SORCS2: variants seen among roughly 807,000 people sequenced by gnomAD.
SORCS2 encodes the protein VPS10 domain-containing receptor SorCS2.
Under a neutral mutation model 141.6 loss-of-function variants are expected in SORCS2, and 100 were observed. The ratio of observed to expected loss-of-function variants is 0.71; its 90% confidence interval spans 0.60 to 0.83. The LOEUF (loss-of-function observed/expected upper bound fraction) is 0.83. Ranked by LOEUF, SORCS2 falls within the 40% of genes least tolerant of loss-of-function variation. The pLI is 0.00. For missense variants in SORCS2, 1,646 were observed against 1,560.2 expected (o/e 1.05, Z -0.93); for synonymous variants, 789 against 676.9 (o/e 1.17, Z -2.57).
At chr4:7,290,388 TG>T (rs1716524768) in intron 1 of SORCS2, among the ~76,000 whole-genome samples, 1 of 152,172 alleles carries the variant, frequency 6.6e-6, no homozygotes, top group Admixed American at 6.5e-5. Flanking sequence ...TCCCACGGGG[TG>T]CTCAGGGCTT....
At chr4:7,724,612 C>G (rs372901911) in intron 19 of SORCS2, among the ~76,000 whole-genome samples, 3,092 of 42,806 alleles carry the variant, frequency 0.072, 96 homozygotes, top group Admixed American at 0.13. Flanking sequence ...GGTGATAGTG[C>G]TGGTGAGGAT....
At chr4:7,585,910 C>G (rs991079980) in intron 3 of SORCS2, among the ~76,000 whole-genome samples, 2 of 152,206 alleles carry the variant, frequency 1.3e-5, no homozygotes, top group African/African-American at 2.4e-5. Context: ...GCTCTATTTG[C>G]TTAATACTTA....
intron 9 of SORCS2, among the ~76,000 whole-genome samples, chr4:7,677,360 C>G (rs182386398): frequency 6.6e-6 from 1 of 152,250 alleles, no homozygotes; most frequent in African/African-American, 2.4e-5. Flanking sequence ...ATGCCATGGC[C>G]AGCGAGGGGG....
chr4:7,287,036 T>G (rs1379099442), intron 1 of SORCS2, among the ~76,000 whole-genome samples: 3 of 152,178 alleles, frequency 2.0e-5, no homozygotes, highest in African/African-American at 7.2e-5. Flanking sequence ...CCTTTCTCTC[T>G]TCTGGGTTTC....
intron 2 of SORCS2, among the ~76,000 whole-genome samples, chr4:7,449,441 A>G (rs1409631242): frequency 7.5e-6 from 1 of 132,566 alleles, no homozygotes; most frequent in Non-Finnish European, 1.6e-5. Context: ...ACCAGGAAAC[A>G]AACCCTTGCT....
At chr4:7,338,646 G>A (rs1720173406) in intron 1 of SORCS2, among the ~76,000 whole-genome samples, 1 of 152,114 alleles carries the variant, frequency 6.6e-6, no homozygotes, top group Admixed American at 6.5e-5. Context: ...CTCCAGCTTT[G>A]CCCACACCCC....
chr4:7,416,879 C>T (rs1046981940), intron 2 of SORCS2, among the ~76,000 whole-genome samples: 1 of 152,176 alleles, frequency 6.6e-6, no homozygotes, highest in Admixed American at 6.5e-5. Context: ...TGCTCAGACA[C>T]ACACATATGC....
chr4:7,398,797 C>T (rs913102402), intron 2 of SORCS2, among the ~76,000 whole-genome samples: 2 of 152,156 alleles, frequency 1.3e-5, no homozygotes, highest in Non-Finnish European at 2.9e-5. Flanking sequence ...TTAGCTGTCC[C>T]CTTATTGATG....
intron 22 of SORCS2, among the ~76,000 whole-genome samples, chr4:7,728,895 C>T (rs35854850): frequency 0.33 from 50,772 of 152,104 alleles, 9,887 homozygotes; most frequent in Admixed American, 0.47. Flanking sequence ...GACATCAGGG[C>T]GGGCTGTAGC....
intron 1 of SORCS2, among the ~76,000 whole-genome samples, chr4:7,261,010 C>A (rs150537172): frequency 6.6e-6 from 1 of 152,154 alleles, no homozygotes; most frequent in East Asian, 1.9e-4. Context: ...TTAGAGCACT[C>A]GTCAACATCT....
intron 3 of SORCS2, among the ~76,000 whole-genome samples, chr4:7,580,789 T>C (rs756985873): frequency 7.2e-5 from 11 of 152,104 alleles, no homozygotes; most frequent in Non-Finnish European, 1.3e-4. Flanking sequence ...GAGAATTTCT[T>C]CCATCGTGTA....
chr4:7,291,378 C>T (rs1219174636), intron 1 of SORCS2, among the ~76,000 whole-genome samples: 1 of 152,126 alleles, frequency 6.6e-6, no homozygotes, highest in East Asian at 1.9e-4. Flanking sequence ...CCATGGGAGG[C>T]CTCTGCCACC....
chr4:7,451,295 G>A (rs1005648375), intron 2 of SORCS2, among the ~76,000 whole-genome samples: 5 of 152,236 alleles, frequency 3.3e-5, no homozygotes, highest in Admixed American at 6.5e-5. Context: ...CAGCAGCAGC[G>A]GCAGTGGGGC....
rs1388560142 is a variant in SORCS2 at position 7,681,952 on chromosome 4, C to T, written c.1342-791C>T. Among the ~76,000 whole-genome samples the T allele has an allele frequency of 4.6e-5, 7 of 152,180 alleles. No individual in the cohort carries two copies. The East Asian group carries it at 7.7e-4, about 17-fold the overall frequency. Reference sequence around the variant, plus strand: ...GGCCTTGATAAGTGGTGGGCATTCCCGTGCCTCTTCACACCACACTAGTGG... The same window carrying T: ...GGCCTTGATAAGTGGTGGGCATTCCTGTGCCTCTTCACACCACACTAGTGG... On this transcript the variant is annotated intron_variant, in intron 9 of 26. Transcript: ENST00000507866.
chr4:7,565,729 G>A (rs928095333), intron 3 of SORCS2, among the ~76,000 whole-genome samples: 1 of 151,372 alleles, frequency 6.6e-6, no homozygotes, highest in Non-Finnish European at 1.5e-5. Context: ...CTGTGATGGT[G>A]ATGATGATGA....
At chr4:7,252,706 T>A (rs1217390047) in intron 1 of SORCS2, among the ~76,000 whole-genome samples, 1 of 152,108 alleles carries the variant, frequency 6.6e-6, no homozygotes, top group Non-Finnish European at 1.5e-5. Flanking sequence ...GGATTGGCAT[T>A]GTGCCGGTCT....
At chr4:7,218,224 C>A (rs1728490479) in intron 1 of SORCS2, among the ~76,000 whole-genome samples, 2 of 152,214 alleles carry the variant, frequency 1.3e-5, no homozygotes, top group African/African-American at 2.4e-5. Flanking sequence ...GCATTCCTCA[C>A]TGCACTTGGC....
chr4:7,705,845 C>A (rs896392938), intron 14 of SORCS2, among the ~76,000 whole-genome samples: 1 of 152,276 alleles, frequency 6.6e-6, no homozygotes, highest in Non-Finnish European at 1.5e-5. Flanking sequence ...TGACCCCAGC[C>A]TCTATCTCCC....
At chr4:7,471,334 G>A (rs180710771) in intron 2 of SORCS2, among the ~76,000 whole-genome samples, 11 of 152,356 alleles carry the variant, frequency 7.2e-5, no homozygotes, top group African/African-American at 2.6e-4. Context: ...AGGAGACAGT[G>A]GCTCTGTGGT....
Sources: gnomAD v4.1 joint callset for allele counts (sites outside exome capture counted in the v4.1 genomes callset) on GRCh38, gnomAD v4.1.1 for gene constraint, MANE v1.5 for transcripts, NCBI Gene and HGNC (gene_info 2026-07-23, HGNC 2026-07-21) for gene names.